The following RABGAP1L variants were observed in gnomAD, a reference collection of about 807,000 sequenced individuals.
RABGAP1L encodes the protein RAB GTPase activating protein 1 like, also known as rab GTPase-activating protein 1-like.
In RABGAP1L, 63 loss-of-function variants were observed where a neutral mutation model predicts 137.7. The observed-to-expected ratio is 0.46, with a 90% CI of 0.37 to 0.56. RABGAP1L has a LOEUF of 0.56. Among genes scored for constraint, RABGAP1L ranks in the 20% least tolerant of loss-of-function variants. The pLI, the probability that RABGAP1L is intolerant of heterozygous loss-of-function variation, is 0.00. For missense variants in RABGAP1L, 1,095 were observed against 1,244.0 expected, an observed-to-expected ratio of 0.88 and a Z score of 1.80; for synonymous variants, 431 against 433.7, an observed-to-expected ratio of 0.99 and a Z score of 0.08.
At chr1:174,244,244 A>T (rs183935432) in intron 5 of RABGAP1L, 7 of 152,382 alleles carry the variant, frequency 4.6e-5, no homozygotes, top group Non-Finnish European at 1.0e-4. Flanking sequence ...TTACTGCTTA[A>T]GTATGTACTG....
intron 3 of RABGAP1L, among the ~76,000 whole-genome samples, chr1:174,226,912 A>G (rs969987574): frequency 1.3e-5 from 2 of 152,146 alleles, no homozygotes; most frequent in Non-Finnish European, 2.9e-5. Context: ...CTGTGAGCCA[A>G]ATTCCACTTC....
At chr1:174,265,257 T>A (rs1375461814) in intron 7 of RABGAP1L, among the ~76,000 whole-genome samples, 1 of 152,246 alleles carries the variant, frequency 6.6e-6, no homozygotes, top group Non-Finnish European at 1.5e-5. Context: ...ACTATCTGAA[T>A]GTCCTGTATT....
At chr1:174,396,813 T>G (rs1647914839) in intron 13 of RABGAP1L, among the ~76,000 whole-genome samples, 1 of 152,058 alleles carries the variant, frequency 6.6e-6, no homozygotes, top group Admixed American at 6.6e-5. Flanking sequence ...CATGGTAGTT[T>G]TAACTATACA....
intron 18 of RABGAP1L, among the ~76,000 whole-genome samples, chr1:174,801,008 C>T (rs1256317479): frequency 6.6e-6 from 1 of 152,150 alleles, no homozygotes; most frequent in Non-Finnish European, 1.5e-5. Context: ...TTAGGTTTCT[C>T]TCCTAGAATG....
At chr1:174,925,475 A>T (rs1019722994) in intron 19 of RABGAP1L, among the ~76,000 whole-genome samples, 1 of 151,500 alleles carries the variant, frequency 6.6e-6, no homozygotes, top group Non-Finnish European at 1.5e-5. Context: ...CTAGAGCATG[A>T]TGAGATAAGA....
intron 13 of RABGAP1L, among the ~76,000 whole-genome samples, chr1:174,615,452 G>A (rs1459579543): frequency 6.6e-6 from 1 of 152,176 alleles, no homozygotes; most frequent in Non-Finnish European, 1.5e-5. Flanking sequence ...TCTCAGAGGA[G>A]TACCCTGCCA....
intron 13 of RABGAP1L, among the ~76,000 whole-genome samples, chr1:174,396,822 C>A (rs1430836981): frequency 6.6e-6 from 1 of 151,950 alleles, no homozygotes; most frequent in African/African-American, 2.4e-5. Flanking sequence ...TTTAACTATA[C>A]AACTTGCAAA....
chr1:174,334,381 C>A (rs1184430108), intron 11 of RABGAP1L, among the ~76,000 whole-genome samples: 1 of 152,220 alleles, frequency 6.6e-6, no homozygotes, highest in Non-Finnish European at 1.5e-5. Flanking sequence ...GTGTTCCACA[C>A]ACCAGCCATA....
At chr1:174,859,432 G>A (rs1370552664) in intron 19 of RABGAP1L, among the ~76,000 whole-genome samples, 1 of 147,922 alleles carries the variant, frequency 6.8e-6, no homozygotes, top group Admixed American at 6.9e-5. Flanking sequence ...GCAGTGAGCG[G>A]AGATTGTGCT....
At chr1:174,190,301 C>CAAAAAAAAAAAAAAAA (rs57629149) in intron 1 of RABGAP1L, among the ~76,000 whole-genome samples, 2 of 90,258 alleles carry the variant, frequency 2.2e-5, no homozygotes, top group Admixed American at 1.3e-4. Flanking sequence ...GACTCCGTTG[C>CAAAAAAAAAAAAAAAA]AAAAAAAAAA....
chr1:174,369,863 A>G (rs1361182486), intron 11 of RABGAP1L, among the ~76,000 whole-genome samples: 1 of 152,120 alleles, frequency 6.6e-6, no homozygotes, highest in Non-Finnish European at 1.5e-5. Flanking sequence ...TTTACCTAGT[A>G]TTGCTTTAAA....
chr1:174,243,875 A>T (rs1571745434), intron 5 of RABGAP1L, among the ~76,000 whole-genome samples: 1 of 152,362 alleles, frequency 6.6e-6, no homozygotes, highest in East Asian at 1.9e-4. Context: ...GAAGAGCCAT[A>T]CAGTTTTCAG....
At chr1:174,971,376 A>T (rs939084720) in intron 21 of RABGAP1L, among the ~76,000 whole-genome samples, 3 of 152,074 alleles carry the variant, frequency 2.0e-5, no homozygotes, top group Admixed American at 2.0e-4. Context: ...AGTGACTGCC[A>T]TTATAGGTAT....
intron 1 of RABGAP1L, among the ~76,000 whole-genome samples, chr1:174,174,041 G>A (rs1665625156): frequency 6.6e-6 from 1 of 152,064 alleles, no homozygotes; most frequent in Non-Finnish European, 1.5e-5. Context: ...GTCGCTGAGA[G>A]CTTATTTTTA....
chr1:174,396,258 C>G (rs1647830389), intron 13 of RABGAP1L, among the ~76,000 whole-genome samples: 1 of 151,720 alleles, frequency 6.6e-6, no homozygotes, highest in Non-Finnish European at 1.5e-5. Context: ...GACAGTTGCT[C>G]AAGATTATGA....
intron 11 of RABGAP1L, among the ~76,000 whole-genome samples, chr1:174,353,782 C>T (rs1284207828): frequency 6.6e-6 from 1 of 152,234 alleles, no homozygotes; most frequent in Non-Finnish European, 1.5e-5. Flanking sequence ...CACACAGGCA[C>T]TATCCAGGGA....
At chr1:174,792,822 C>T (rs980875640) in intron 18 of RABGAP1L, among the ~76,000 whole-genome samples, 3 of 152,154 alleles carry the variant, frequency 2.0e-5, no homozygotes, top group Non-Finnish European at 4.4e-5. Flanking sequence ...TATTGAGCTA[C>T]ATGTCAATAA....
chr1:174,407,218 C>T (rs1649381284), intron 13 of RABGAP1L, among the ~76,000 whole-genome samples: 1 of 152,030 alleles, frequency 6.6e-6, no homozygotes, highest in African/African-American at 2.4e-5. Context: ...ATGTTTTGGT[C>T]ACAGTTCCAT....
chr1:174,231,422 G>C, intron 4 of RABGAP1L, 67 bp downstream of exon 4: 1 of 1,383,524 alleles, frequency 7.2e-7, no homozygotes, highest in East Asian at 2.3e-5. Context: ...AGATGTTATA[G>C]CATCATCAGG....
Sources: gnomAD v4.1 joint callset for allele counts (sites outside exome capture counted in the v4.1 genomes callset) on GRCh38, gnomAD v4.1.1 for gene constraint, MANE v1.5 for transcripts, NCBI Gene and HGNC (gene_info 2026-07-23, HGNC 2026-07-21) for gene names.